Variants in MYO7A observed in about 807,000 individuals in gnomAD.
The protein encoded by MYO7A is myosin VIIA.
MYO7A carries 210 observed loss-of-function variants against 263.8 expected under a neutral mutation model. That is an observed-to-expected ratio of 0.80 (90% CI 0.71 to 0.89). MYO7A has a LOEUF of 0.89. Among genes scored for constraint, MYO7A ranks in the 40% least tolerant of loss-of-function variants. The probability of loss-of-function intolerance (pLI) is 0.00; values close to 1 mark genes in which losing one functional copy is unlikely to be tolerated. For missense variants in MYO7A, 2,820 were observed against 2,968.3 expected, an observed-to-expected ratio of 0.95 and a Z score of 1.16; for synonymous variants, 1,239 against 1,197.3, an observed-to-expected ratio of 1.03 and a Z score of -0.72.
In MYO7A at chr11:77,201,626, G is replaced by GC; in HGVS notation, c.5032dup (p.Arg1678ProfsTer43). ...TCATGCCCACTGTCACCATGCCACCGCGGGAGATTGTGGTATGTGGCCTGG... is the reference window on the plus strand; with the variant it reads ...TCATGCCCACTGTCACCATGCCACCGCCGGGAGATTGTGGTATGTGGCCTGG... On this transcript the variant is annotated frameshift_variant, in exon 36 of 49. Transcript: ENST00000409709. LOFTEE classifies it high-confidence loss of function. The GC allele has an allele frequency of 2.5e-6, 4 of 1,613,398 alleles. No individual in the cohort carries two copies. Among genetic ancestry groups the GC allele is most frequent in the Non-Finnish European group, 3.4e-6 (4 of 1,179,506 alleles).
chr11:77,141,342 C>G (rs1951195698), intron 2 of MYO7A, among the ~76,000 whole-genome samples: 1 of 152,194 alleles, frequency 6.6e-6, no homozygotes, highest in Admixed American at 6.5e-5. Context: ...GCGACTCACC[C>G]AAGGCCGGGT....
intron 14 of MYO7A, among the ~76,000 whole-genome samples, chr11:77,163,963 C>T (rs1036930416): frequency 6.6e-6 from 1 of 152,080 alleles, no homozygotes; most frequent in Admixed American, 6.6e-5. Flanking sequence ...TTTAGGGAAA[C>T]TGAGGCTCAG....
intron 2 of MYO7A, among the ~76,000 whole-genome samples, chr11:77,131,274 C>A (rs1317108907): frequency 6.6e-6 from 1 of 152,164 alleles, no homozygotes; most frequent in Non-Finnish European, 1.5e-5. Flanking sequence ...GGCAGCAGGC[C>A]GTAGGGCTTG....
chr11:77,211,692 C>A, intron 45 of MYO7A, 129 bp from the exon 46 acceptor site: 2 of 697,344 alleles, frequency 2.9e-6, no homozygotes. Context: ...CTAGTCCTGG[C>A]CCTGAGGGTG....
intron 3 of MYO7A, among the ~76,000 whole-genome samples, chr11:77,147,400 TTTTCTTTC>T (rs35139168): frequency 3.3e-5 from 5 of 150,726 alleles, no homozygotes; most frequent in Non-Finnish European, 5.9e-5. Flanking sequence ...TTTTTAATGT[TTTTCTTTC>T]TTTCTTTCTT....
At chr11:77,134,761 TAAC>T (rs1325360547) in intron 2 of MYO7A, among the ~76,000 whole-genome samples, 1 of 151,430 alleles carries the variant, frequency 6.6e-6, no homozygotes, top group African/African-American at 2.4e-5. Context: ...AAAATACATA[TAAC>T]AACATATACC....
intron 3 of MYO7A, among the ~76,000 whole-genome samples, chr11:77,143,842 C>T (rs1318837889): frequency 6.6e-6 from 1 of 152,070 alleles, no homozygotes; most frequent in Non-Finnish European, 1.5e-5. Context: ...CTGGGGACGA[C>T]GGGAGGGCTC....
At position 77,156,707 on chromosome 11, in the gene MYO7A, A is replaced by T; in HGVS notation, c.518A>T (p.Gln173Leu). 6.2e-7 allele frequency: 1 copy of T among 1,613,966 alleles called. No individual in the cohort carries two copies. The highest frequency in any genetic ancestry group is 8.5e-7 in the Non-Finnish European group (1 of 1,179,892). Residue 173 changes from glutamine (Q) to leucine (L), a missense_variant, in exon 6 of 49, where the codon CAG becomes CTG. Gln to Leu is a moderately radical substitution (Grantham distance 113). Transcript: ENST00000409709. ...GKTESTKLILQFLAAISGQHS... is the reference protein window; with the variant it reads ...GKTESTKLILLFLAAISGQHS... ...ACGGAGAGCACAAAGCTGATCCTGC[A>T]GTTCCTGGCAGCCATCAGTGGGCAG...
At chr11:77,186,377 C>T in intron 27 of MYO7A, among the ~76,000 whole-genome samples, 1 of 152,164 alleles carries the variant, frequency 6.6e-6, no homozygotes, top group East Asian at 1.9e-4. Context: ...CTATGAAAGT[C>T]CTAGATGACA....
chr11:77,204,751 T>TG (rs1311960814), intron 39 of MYO7A, among the ~76,000 whole-genome samples: 1 of 152,130 alleles, frequency 6.6e-6, no homozygotes, highest in Non-Finnish European at 1.5e-5. Flanking sequence ...CCTCTCTCCT[T>TG]ACACCCAGCC....
intron 2 of MYO7A, among the ~76,000 whole-genome samples, chr11:77,131,415 C>CGTGT (rs782627826): frequency 6.6e-6 from 1 of 152,098 alleles, no homozygotes; most frequent in African/African-American, 2.4e-5. Context: ...AGTGCGTGCG[C>CGTGT]GTGTGTGTGT....
chr11:77,152,181 G>A (rs1555057496), intron 4 of MYO7A, among the ~76,000 whole-genome samples: 1 of 152,232 alleles, frequency 6.6e-6, no homozygotes, highest in African/African-American at 2.4e-5. Flanking sequence ...TTGTTTTGTA[G>A]ATAGATAAGT....
At chr11:77,159,564 T>G (rs1555067012) in intron 10 of MYO7A, 41 bp downstream of exon 10, 9 of 1,587,870 alleles carry the variant, frequency 5.7e-6, no homozygotes, top group Non-Finnish European at 7.8e-6. Context: ...CTTCTGTCCC[T>G]CTGAAGGGTT....
chr11:77,194,110 T>C, intron 31 of MYO7A: 1 of 681,334 alleles, frequency 1.5e-6, no homozygotes, highest in South Asian at 1.5e-5. Context: ...AGAGTCCAGC[T>C]CCATGCCAGT....
intron 44 of MYO7A, 53 bp from the exon 45 acceptor site, chr11:77,211,099 A>C: frequency 6.8e-7 from 1 of 1,463,456 alleles, no homozygotes; most frequent in Non-Finnish European, 9.2e-7. Flanking sequence ...GTGGGAAAGG[A>C]GCCCACTTCT....
At chr11:77,197,828 G>C in intron 33 of MYO7A, among the ~76,000 whole-genome samples, 1 of 152,350 alleles carries the variant, frequency 6.6e-6, no homozygotes, top group Non-Finnish European at 1.5e-5. Context: ...AGGGGCCCCC[G>C]TCAGTGGACC....
chr11:77,181,767 GTT>G lies in MYO7A; in HGVS notation c.2905-174_2905-173del, dbSNP rs10522799. Among the ~76,000 whole-genome samples the G allele has an allele frequency of 9.2e-3, 1,274 of 138,272 alleles. 18 individuals are homozygous for G. Among genetic ancestry groups the G allele is most frequent in the Non-Finnish European group, 0.014 (868 of 63,978 alleles). The allele number at this position is 138,272 out of a possible 152,430, so 90.7% of individuals were successfully genotyped here. On this transcript the variant is annotated intron_variant, in intron 23 of 48. Coordinates refer to ENST00000409709, the MANE Select transcript of MYO7A (RefSeq NM_000260.4). ...TGTCCCTCTCCAACGCCCTTCTCAA[GTT>G]TTTTTTTTTGTTTTTTTTTTTTTTT...
intron 2 of MYO7A, among the ~76,000 whole-genome samples, chr11:77,140,502 TGCTGTTGCCCACAA>T (rs1299783411): frequency 6.6e-6 from 1 of 152,236 alleles, no homozygotes; most frequent in African/African-American, 2.4e-5. Context: ...CCTGGCCACA[TGCTGTTGCCCACAA>T]GCGAACACGC....
At chr11:77,206,350 C>T (rs983384101) in intron 41 of MYO7A, 148 bp downstream of exon 41, 75 of 635,726 alleles carry the variant, frequency 1.2e-4, no homozygotes, top group Non-Finnish European at 1.7e-4. Context: ...GGGCTCAGGA[C>T]GAAGGCCATC....
Sources: gnomAD v4.1 joint callset for allele counts (sites outside exome capture counted in the v4.1 genomes callset) on GRCh38, gnomAD v4.1.1 for gene constraint, MANE v1.5 for transcripts, NCBI Gene and HGNC (gene_info 2026-07-23, HGNC 2026-07-21) for gene names.